KLHL1: variants seen among roughly 807,000 people sequenced by gnomAD.
KLHL1 encodes kelch-like protein 1.
A neutral mutation model predicts 77.7 loss-of-function variants in KLHL1; 47 were observed. The ratio of observed to expected loss-of-function variants is 0.60; its 90% CI spans 0.48 to 0.77. KLHL1 has a LOEUF of 0.77. Ranked by LOEUF, KLHL1 falls within the 30% of genes least tolerant of loss-of-function variation. The pLI is 0.00. For synonymous variants in KLHL1, 360 were observed against 325.2 expected (o/e 1.11, Z -1.15); for missense variants, 925 against 910.8 (o/e 1.02, Z -0.20).
intron 4 of KLHL1, among the ~76,000 whole-genome samples, chr13:69,927,336 T>C (rs1035148343): frequency 5.9e-5 from 9 of 152,118 alleles, no homozygotes; most frequent in African/African-American, 2.2e-4. Flanking sequence ...CTTTGTGACC[T>C]TGGATTGGTT....
rs1422167196 is a variant in KLHL1 at position 69,979,488 on chromosome 13, C to A, written c.498-3686G>T. Among the ~76,000 whole-genome samples, 3 of 152,088 alleles carry A rather than the reference C, an allele frequency of 2.0e-5. No individual in the cohort carries two copies. The East Asian group carries it at 5.8e-4, about 29-fold the overall frequency. On this transcript the variant is annotated intron_variant, in intron 1 of 10. Transcript: ENST00000377844. ...ATTTAACCTTCTTCCCATCACATAT[C>A]CAAACTACTAATTTAAAAAGGAGAC...
At chr13:70,080,729 T>G (rs1310739075) in intron 1 of KLHL1, among the ~76,000 whole-genome samples, 1 of 152,078 alleles carries the variant, frequency 6.6e-6, no homozygotes, top group Non-Finnish European at 1.5e-5. Flanking sequence ...CCCGAGTAGC[T>G]GGGACTACAC....
intron 1 of KLHL1, among the ~76,000 whole-genome samples, chr13:70,036,836 T>C (rs12865944): frequency 5.8e-4 from 2 of 3,464 alleles, no homozygotes; most frequent in African/African-American, 1.2e-3. Context: ...TGCCATGGTC[T>C]TTTTTTTTTT....
At chr13:69,724,959 C>T (rs1248019830) in intron 8 of KLHL1, among the ~76,000 whole-genome samples, 1 of 152,058 alleles carries the variant, frequency 6.6e-6, no homozygotes, top group Non-Finnish European at 1.5e-5. Context: ...ACTTATTTCC[C>T]CCAAGCCTCA....
chr13:69,824,880 T>C (rs904561665), intron 6 of KLHL1, among the ~76,000 whole-genome samples: 1 of 152,112 alleles, frequency 6.6e-6, no homozygotes, highest in Non-Finnish European at 1.5e-5. Context: ...ACTTAAGATT[T>C]GCACATCTCA....
chr13:69,824,940 G>A (rs769367734), intron 6 of KLHL1, among the ~76,000 whole-genome samples: 9 of 152,010 alleles, frequency 5.9e-5, no homozygotes, highest in Non-Finnish European at 1.0e-4. Flanking sequence ...GAAATCTAAT[G>A]ATAATATGTA....
At chr13:70,045,822 T>C (rs550422505) in intron 1 of KLHL1, among the ~76,000 whole-genome samples, 4 of 150,928 alleles carry the variant, frequency 2.7e-5, no homozygotes, top group Admixed American at 2.0e-4. Context: ...CACTCTTTCA[T>C]AAGATTAAGA....
intron 4 of KLHL1, among the ~76,000 whole-genome samples, chr13:69,931,853 A>T (rs1883013354): frequency 6.6e-6 from 1 of 151,842 alleles, no homozygotes; most frequent in Non-Finnish European, 1.5e-5. Flanking sequence ...TGAAATAAAT[A>T]GAAAAAAGTT....
At chr13:69,959,934 GT>G (rs1884012193) in intron 3 of KLHL1, among the ~76,000 whole-genome samples, 1 of 151,892 alleles carries the variant, frequency 6.6e-6, no homozygotes, top group Non-Finnish European at 1.5e-5. Context: ...TTCAGACTGA[GT>G]TTGGGTCTCT....
At chr13:69,962,711 A>G (rs1593991389) in intron 2 of KLHL1, among the ~76,000 whole-genome samples, 1 of 152,106 alleles carries the variant, frequency 6.6e-6, no homozygotes, top group East Asian at 1.9e-4. Context: ...TTTCAAGTAT[A>G]ATTATGAGAT....
intron 3 of KLHL1, among the ~76,000 whole-genome samples, chr13:69,955,996 G>GATATATATTGATATATATTTGAT (rs1883861469): frequency 8.4e-6 from 1 of 119,434 alleles, no homozygotes; most frequent in African/African-American, 3.2e-5. Context: ...ATATTTATTT[G>GATATATATTGATATATATTTGAT]ATATATATTT....
intron 1 of KLHL1, among the ~76,000 whole-genome samples, chr13:70,099,238 A>G (rs994663030): frequency 1.3e-5 from 2 of 151,882 alleles, no homozygotes; most frequent in South Asian, 4.1e-4. Context: ...TATATAAGTA[A>G]AAATTCACTC....
intron 3 of KLHL1, among the ~76,000 whole-genome samples, chr13:69,956,033 T>C (rs1242739901): frequency 7.2e-6 from 1 of 138,214 alleles, no homozygotes; most frequent in African/African-American, 2.7e-5. Flanking sequence ...TATTTATATA[T>C]ATTTATATAT....
chr13:69,937,278 G>A lies in KLHL1; in HGVS notation c.1014+2762C>T, dbSNP rs148127683. Among the ~76,000 whole-genome samples, 566 of 152,214 alleles carry A rather than the reference G, an allele frequency of 3.7e-3. 5 individuals carry two copies. The highest frequency in any genetic ancestry group is 0.013 in the African/African-American group (536 of 41,544). On this transcript the variant is annotated intron_variant, in intron 4 of 10. Transcript: ENST00000377844. ...TTAATTTGAACAGAGAATTGCATTA[G>A]TAAAATAAATTTAAAAACAGAATGA...
chr13:69,777,367 A>T (rs1177966749), intron 7 of KLHL1, among the ~76,000 whole-genome samples: 1 of 152,208 alleles, frequency 6.6e-6, no homozygotes, highest in Non-Finnish European at 1.5e-5. Flanking sequence ...GACATAGACA[A>T]GAAATTATCC....
chr13:69,994,683 G>A (rs1294413227), intron 1 of KLHL1, among the ~76,000 whole-genome samples: 1 of 152,034 alleles, frequency 6.6e-6, no homozygotes, highest in Non-Finnish European at 1.5e-5. Context: ...GAAATGAATT[G>A]GTATGGTTCT....
intron 4 of KLHL1, among the ~76,000 whole-genome samples, chr13:69,920,229 C>A (rs1488291371): frequency 6.6e-6 from 1 of 151,874 alleles, no homozygotes; most frequent in Non-Finnish European, 1.5e-5. Flanking sequence ...TGCCAGTTCA[C>A]TAAAATACAT....
chr13:69,951,011 T>A (rs1002173533), intron 3 of KLHL1, among the ~76,000 whole-genome samples: 1 of 151,758 alleles, frequency 6.6e-6, no homozygotes, highest in Non-Finnish European at 1.5e-5. Context: ...TTGTCTCAGA[T>A]TTTAATATAT....
chr13:69,936,071 GAA>G lies in KLHL1; in HGVS notation c.1014+3967_1014+3968del, dbSNP rs535122622. Among the ~76,000 whole-genome samples, 36 of 152,256 alleles carry G rather than the reference GAA, an allele frequency of 2.4e-4. No homozygotes were observed. In the South Asian group the frequency reaches 6.8e-3, roughly 29 times the overall value. ...TTTCATTTGTGAGAGCTAATGCCAT[GAA>G]AAGTTTAAAGATATTTCTTGGGCAT... On this transcript the variant is annotated intron_variant, in intron 4 of 10. Coordinates refer to ENST00000377844, the MANE Select transcript of KLHL1 (RefSeq NM_020866.3).
Sources: gnomAD v4.1 joint callset for allele counts (sites outside exome capture counted in the v4.1 genomes callset) on GRCh38, gnomAD v4.1.1 for gene constraint, MANE v1.5 for transcripts, NCBI Gene and HGNC (gene_info 2026-07-23, HGNC 2026-07-21) for gene names.